Variants in NFRKB observed in about 807,000 individuals in gnomAD.
NFRKB encodes the protein nuclear factor related to kappa-B-binding protein.
NFRKB carries 62 observed loss-of-function variants against 135.7 expected under a neutral mutation model. The ratio of observed to expected loss-of-function variants is 0.46; its 90% CI spans 0.37 to 0.56. The LOEUF (loss-of-function observed/expected upper bound fraction) is 0.56. Among genes scored for constraint, NFRKB ranks in the 20% least tolerant of loss-of-function variants. The pLI, the probability that NFRKB is intolerant of heterozygous loss-of-function variation, is 0.00. For missense variants in NFRKB, 1,545 were observed against 1,662.0 expected, an observed-to-expected ratio of 0.93 and a Z score of 1.22; for synonymous variants, 678 against 635.6, an observed-to-expected ratio of 1.07 and a Z score of -1.00.
intron 2 of NFRKB, chr11:129,893,299 T>A (rs1204377435): frequency 4.4e-6 from 2 of 457,998 alleles, no homozygotes; most frequent in Admixed American, 2.4e-5. Context: ...ACACCTACAA[T>A]CTCAGTACTT....
rs550582514 is a variant in NFRKB, at chr11:129,874,980, T to G, written c.1855-64A>C. The G allele has an allele frequency of 3.5e-4, 559 of 1,592,860 alleles. 6 individuals carry two copies. In the South Asian group the frequency reaches 5.0e-3, roughly 14 times the overall value. On this transcript the variant is annotated intron_variant, in intron 18 of 26. Transcript: ENST00000682444. The surrounding 1 kb of genome is among the most constrained non-coding windows in gnomAD (Gnocchi z 4.5). ...CTTAGATAACAGAAGTTATTTGAAC[T>G]CTAGGAAAAAAATGTCATTGTATCT...
rs1414543231 is a variant in NFRKB at position 129,878,309 on chromosome 11, A to T, written c.1511T>A (p.Val504Glu). 2 of 1,613,988 alleles carry T rather than the reference A, an allele frequency of 1.2e-6. No individual in the cohort carries two copies. Among genetic ancestry groups the T allele is most frequent in the Non-Finnish European group, 1.7e-6 (2 of 1,180,004 alleles). The part of the protein sequence containing the change: ...SSDATTPVPR[V>E]RTDYVVRPST... ...CCCACCACTACAGTATTGTACTCAC[A>T]CCCGAGGGACAGGTGTTGTGGCATC... Residue 504 changes from valine (V) to glutamate (E), a missense_variant and splice_region_variant, in exon 15 of 27, where the codon GTA (valine) becomes GAA (glutamate). Coordinates refer to ENST00000682444, the MANE Select transcript of NFRKB (RefSeq NM_001143835.2).
At chr11:129,886,193 C>G in intron 5 of NFRKB, 124 bp downstream of exon 5, 1 of 1,069,734 alleles carries the variant, frequency 9.3e-7, no homozygotes, top group East Asian at 2.4e-5. Context: ...TTAACTGTGT[C>G]ACAGATTAAT....
intron 24 of NFRKB, among the ~76,000 whole-genome samples, chr11:129,867,122 G>C (rs1489470339): frequency 2.0e-5 from 3 of 152,136 alleles, no homozygotes; most frequent in Admixed American, 6.6e-5. Context: ...TGACTAGACA[G>C]GGGGAAGTAA....
At position 129,864,841 on chromosome 11, in the gene NFRKB, G is replaced by GCAAA. The variant is rs1477203997; in HGVS notation, c.3783_3784insTTTG (p.Gln1262PhefsTer33). The GCAAA allele has an allele frequency of 2.0e-5, 32 of 1,614,224 alleles. No individual in the cohort carries two copies. Among genetic ancestry groups the GCAAA allele is most frequent in the Non-Finnish European group, 2.7e-5 (32 of 1,180,044 alleles). On this transcript the variant is annotated frameshift_variant, in exon 27 of 27. Coordinates refer to ENST00000682444, the MANE Select transcript of NFRKB (RefSeq NM_001143835.2). LOFTEE classifies it high-confidence loss of function. ...TGGAGATGGGATGCAGGGACAGTCTGGATGCGCACCTGTTTGCAAAGACAG... is the reference window on the plus strand; with the variant it reads ...TGGAGATGGGATGCAGGGACAGTCTGCAAAGATGCGCACCTGTTTGCAAAGACAG...
At chr11:129,877,444 GC>G (rs1485516101) in intron 15 of NFRKB, 59 bp from the exon 16 acceptor site, 5 of 1,480,172 alleles carry the variant, frequency 3.4e-6, no homozygotes, top group Non-Finnish European at 3.8e-6. Flanking sequence ...CAGACCCATT[GC>G]CCCTGCTTCA....
Position 129,872,911 on chromosome 11 carries a change from A to T in NFRKB, c.2736T>A (p.Asn912Lys). 2 of 1,612,708 alleles carry T rather than the reference A, an allele frequency of 1.2e-6. No individual in the cohort carries two copies. Among genetic ancestry groups the T allele is most frequent in the Non-Finnish European group, 1.7e-6 (2 of 1,178,948 alleles). Residue 912 changes from asparagine to lysine, a missense_variant, in exon 23 of 27, where the codon AAT becomes AAA. Coordinates refer to ENST00000682444, the MANE Select transcript of NFRKB (RefSeq NM_001143835.2). ...GCTTGATGATGTTCTGTCCTGTGAC[A>T]TTTTGAATGACGGCAGCCGTGGAGG... The part of the protein sequence containing the change: ...PSASTAAVIQ[N>K]VTGQNIIKQV...
At chr11:129,872,622 G>T in intron 23 of NFRKB, 1 of 324,374 alleles carries the variant, frequency 3.1e-6, no homozygotes, top group Non-Finnish European at 5.6e-6. Context: ...ATAAACTCAT[G>T]AACAGTCTAT....
In NFRKB at chr11:129,881,527, A is replaced by G. The variant is rs1949027318; in HGVS notation, c.1319-19T>C. The G allele has an allele frequency of 6.2e-7, 1 of 1,614,138 alleles. No individual in the cohort carries two copies. On this transcript the variant is annotated intron_variant, in intron 12 of 26. Transcript: ENST00000682444. ...GGAACAGCTGCAAGAAATGGACCAC[A>G]TAAACAAACCATACAGGTGCGTCCC...
chr11:129,878,429 G>C, intron 14 of NFRKB, 35 bp downstream of exon 14: 1 of 1,612,332 alleles, frequency 6.2e-7, no homozygotes, highest in South Asian at 1.1e-5. Flanking sequence ...TGGAAACCCA[G>C]TGAGAAGGAT....
At chr11:129,873,416 C>T (rs919780158) in intron 22 of NFRKB, among the ~76,000 whole-genome samples, 7 of 152,178 alleles carry the variant, frequency 4.6e-5, no homozygotes, top group African/African-American at 1.2e-4. Context: ...TAGTTCATGG[C>T]GTAGCTAAGA....
chr11:129,889,654 G>A (rs1949445153), intron 3 of NFRKB, among the ~76,000 whole-genome samples: 1 of 150,054 alleles, frequency 6.7e-6, no homozygotes, highest in African/African-American at 2.4e-5. Context: ...AGTTAAAGAA[G>A]TGCTGATGTG....
chr11:129,872,900 T>C lies in NFRKB; in HGVS notation c.2747A>G (p.Gln916Arg). 1.2e-6 allele frequency: 2 copies of C among 1,610,082 alleles called. No homozygotes were observed. Among genetic ancestry groups the C allele is most frequent in the Non-Finnish European group, 8.5e-7 (1 of 1,177,024 alleles). Residue 916 changes from glutamine (Q) to arginine (R), a missense_variant, in exon 23 of 27, where the codon CAG becomes CGG. This residue lies in a region of NFRKB where 753 missense variants were observed against 804.3 expected (regional missense o/e 0.94). Transcript: ENST00000682444. ...CCCACCTACCTGCTTGATGATGTTC[T>C]GTCCTGTGACATTTTGAATGACGGC... ...TAAVIQNVTG[Q>R]NIIKQVAITG...
At chr11:129,886,273 C>T (rs1407815995) in intron 5 of NFRKB, 44 bp downstream of exon 5, 2 of 1,582,450 alleles carry the variant, frequency 1.3e-6, no homozygotes, top group African/African-American at 1.4e-5. Flanking sequence ...GTCATGATAC[C>T]TGTGACTGCC....
chr11:129,889,611 G>A (rs1404606632), intron 3 of NFRKB, among the ~76,000 whole-genome samples: 1 of 129,748 alleles, frequency 7.7e-6, no homozygotes, highest in Admixed American at 8.4e-5. Flanking sequence ...TATGGTCTGA[G>A]GTGGGGAACA....
rs541578145 is a variant in NFRKB at position 129,895,529 on chromosome 11, C to G, written c.-135G>C. 85 of 152,482 alleles carry G rather than the reference C, an allele frequency of 5.6e-4. No homozygotes were observed. Among genetic ancestry groups the G allele is most frequent in the Middle Eastern group, 3.4e-3 (1 of 292 alleles). The allele number at this position is 152,482 out of a possible 1,614,324, so 9.4% of individuals were successfully genotyped here. A position where few individuals can be genotyped will look rare whatever the true frequency, so the allele number is the denominator to read the frequency against. On this transcript the variant is annotated 5_prime_UTR_variant, in exon 1 of 27. Transcript: ENST00000682444. ...CGGGCGCCGGCCCCCTAACCCGCAG[C>G]CCTTCTCCGGCCGCGGGCTCCCAGA...
Position 129,863,642 on chromosome 11 carries a change from CA to C in NFRKB, c.*1082del, listed in dbSNP as rs573991264. 6.6e-6 allele frequency: 1 copy of C among 152,270 alleles called. No individual in the cohort carries two copies. The highest frequency in any genetic ancestry group is 1.4e-5 in the Non-Finnish European group (1 of 71,108). The allele number at this position is 152,270 out of a possible 1,614,324, so 9.4% of individuals were successfully genotyped here. On this transcript the variant is annotated 3_prime_UTR_variant, in exon 27 of 27. Coordinates refer to ENST00000682444, the MANE Select transcript of NFRKB (RefSeq NM_001143835.2). Reference sequence around the variant, plus strand: ...ACAAACAAACAAACAAACAAACAAACAAAAAACGCTTTTACTTAAAAGGCCA... The same window carrying C: ...ACAAACAAACAAACAAACAAACAAACAAAAACGCTTTTACTTAAAAGGCCA...
Position 129,885,594 on chromosome 11 carries a change from C to A in NFRKB, c.481G>T (p.Ala161Ser). Residue 161 changes from alanine (A) to serine (S), a missense_variant, in exon 6 of 27, where the codon GCC becomes TCC. Coordinates refer to ENST00000682444, the MANE Select transcript of NFRKB (RefSeq NM_001143835.2). Reference sequence around the variant, plus strand: ...GGAAGGGCGGGGCCACTCCGCCGGGCCATCTCCAGCAGATCCTAGGTAGAG... The same window carrying A: ...GGAAGGGCGGGGCCACTCCGCCGGGACATCTCCAGCAGATCCTAGGTAGAG... Reference protein sequence around the residue: ...LASRSDLLEMARRSGPALPFR... With the variant: ...LASRSDLLEMSRRSGPALPFR... 1 of 1,609,880 alleles carries A rather than the reference C, an allele frequency of 6.2e-7. No homozygotes were observed. Among genetic ancestry groups the A allele is most frequent in the Non-Finnish European group, 8.5e-7 (1 of 1,176,902 alleles).
intron 3 of NFRKB, among the ~76,000 whole-genome samples, chr11:129,890,021 GTTTT>G (rs944151532): frequency 2.0e-5 from 2 of 98,846 alleles, no homozygotes; most frequent in African/African-American, 3.6e-5. Context: ...TACTTTTTGG[GTTTT>G]TTTGTTTTTT....
Sources: allele counts gnomAD v4.1 joint callset (sites outside exome capture counted in the v4.1 genomes callset), GRCh38; gene constraint gnomAD v4.1.1; regional missense constraint gnomAD v4.1.1; non-coding constraint Gnocchi (gnomAD v3.1); transcripts MANE v1.5; gene names NCBI Gene and HGNC (gene_info 2026-07-23, HGNC 2026-07-21).